ZBP1: variants seen among roughly 807,000 people sequenced by gnomAD.
ZBP1 encodes Z-DNA-binding protein 1.
In ZBP1, 42 loss-of-function variants were observed where a neutral mutation model predicts 41.1. The ratio of observed to expected loss-of-function variants is 1.02; its 90% CI spans 0.80 to 1.32. The LOEUF is 1.32. Among genes scored for constraint, ZBP1 ranks in the 40% most tolerant of loss-of-function variants. The probability of loss-of-function intolerance (pLI) is 0.00; values close to 1 mark genes in which losing one functional copy is unlikely to be tolerated. For missense variants in ZBP1, 562 were observed against 549.7 expected (o/e 1.02, Z -0.22); for synonymous variants, 214 against 205.2 (o/e 1.04, Z -0.37).
At chr20:57,614,648 G>A (rs73301330) in intron 4 of ZBP1, among the ~76,000 whole-genome samples, 75 of 152,298 alleles carry the variant, frequency 4.9e-4, no homozygotes, top group African/African-American at 1.2e-3. Context: ...GGCCACCTCC[G>A]TCCCATTCAC....
chr20:57,615,189 C>T, intron 3 of ZBP1, 129 bp from the exon 4 acceptor site: 3 of 1,050,084 alleles, frequency 2.9e-6, no homozygotes, highest in African/African-American at 1.6e-5. Context: ...AAATGGGTGT[C>T]ATGATAACGG....
In ZBP1 at chr20:57,615,162, T is replaced by G. The variant is rs1053203341; in HGVS notation, c.329-102A>C. On this transcript the variant is annotated intron_variant, in intron 3 of 7. Transcript: ENST00000371173. ...GCCCTGGACCCAGCCCCTCAAGGCC[T>G]GGTTTCCTCATCTGTAAAATGGGTG... 3.1e-6 allele frequency: 4 copies of G among 1,294,504 alleles called. No homozygotes were observed. The African/African-American group carries it at 5.9e-5, about 19-fold the overall frequency. 80.2% of individuals were successfully genotyped at this position (1,294,504 alleles called of 1,614,324 possible). A position where few individuals can be genotyped will look rare whatever the true frequency, so the allele number is the denominator to read the frequency against.
In ZBP1 at chr20:57,607,177, G is replaced by A. The variant is rs371780614; in HGVS notation, c.1094-2408C>T. 1.3e-4 allele frequency: 168 copies of A among 1,304,160 alleles called. No individual in the cohort carries two copies. In the African/African-American group the frequency reaches 1.7e-3, roughly 13 times the overall value. The allele number at this position is 1,304,160 out of a possible 1,614,324, so 80.8% of individuals were successfully genotyped here. On this transcript the variant is annotated intron_variant, in intron 7 of 7. Coordinates refer to ENST00000371173, the MANE Select transcript of ZBP1 (RefSeq NM_030776.3). ...GGAAAAGATCACCAATCTACATGCC[G>A]TTAAGAACATTTGTGATTCATGGGA...
rs1333202936 is a variant in ZBP1, at chr20:57,604,557, C to T, written c.*16G>A. ...CCACCCCCAGCCTGTGTCCAAGCCCCACGTGAGGCTGTGCACTAAATCCCA... is the reference window on the plus strand; with the variant it reads ...CCACCCCCAGCCTGTGTCCAAGCCCTACGTGAGGCTGTGCACTAAATCCCA... On this transcript the variant is annotated 3_prime_UTR_variant, in exon 8 of 8. Transcript: ENST00000371173. The T allele has an allele frequency of 6.2e-7, 1 of 1,610,304 alleles. No individual in the cohort carries two copies. Among genetic ancestry groups the T allele is most frequent in the Non-Finnish European group, 8.5e-7 (1 of 1,177,618 alleles).
Position 57,613,032 on chromosome 20 carries a change from G to A in ZBP1, c.670+131C>T. Reference sequence around the variant, plus strand: ...GACGGCCGTAAAGGTGGACTGTGGGGGTCTGGAAGCAACCCTTTCCCCTTG... The same window carrying A: ...GACGGCCGTAAAGGTGGACTGTGGGAGTCTGGAAGCAACCCTTTCCCCTTG... On this transcript the variant is annotated intron_variant, in intron 5 of 7. Coordinates refer to ENST00000371173, the MANE Select transcript of ZBP1 (RefSeq NM_030776.3). The surrounding 1 kb of genome is among the most constrained non-coding windows in gnomAD (Gnocchi z 4.5). 1.3e-6 allele frequency: 2 copies of A among 1,520,450 alleles called. No homozygotes were observed. Among genetic ancestry groups the A allele is most frequent in the South Asian group, 1.3e-5 (1 of 79,766 alleles). The allele number at this position is 1,520,450 out of a possible 1,614,324, so 94.2% of individuals were successfully genotyped here. A position where few individuals can be genotyped will look rare whatever the true frequency, so the allele number is the denominator to read the frequency against.
chr20:57,611,744 G>A lies in ZBP1; in HGVS notation c.857C>T (p.Pro286Leu). 1 of 1,611,028 alleles carries A rather than the reference G, an allele frequency of 6.2e-7. No homozygotes were observed. Among genetic ancestry groups the A allele is most frequent in the Non-Finnish European group, 8.5e-7 (1 of 1,179,212 alleles). The change falls in exon 6 of 8, where the codon CCC becomes CTC. Residue 286 changes from proline (P) to leucine (L), a missense_variant. Coordinates refer to ENST00000371173, the MANE Select transcript of ZBP1 (RefSeq NM_030776.3). The stretch of plus-strand genomic sequence containing the variant: ...CCAGTTACCTGGGGGGCTGCCAGGG[G>A]GGATGTGGGCAGGGCCCTCGGACGG... ...GVPSEGPAHI[P>L]PGSPPVSATA...
chr20:57,607,266 C>G (rs62204269), intron 7 of ZBP1: 13,174 of 1,303,208 alleles, frequency 0.01, 95 homozygotes, highest in Non-Finnish European at 0.012. Flanking sequence ...TCATGAATGA[C>G]TTTGAGGGGT....
intron 7 of ZBP1, among the ~76,000 whole-genome samples, chr20:57,608,270 C>T (rs554964689): frequency 6.2e-4 from 94 of 152,226 alleles, no homozygotes; most frequent in African/African-American, 2.1e-3. Flanking sequence ...TACATGTGCC[C>T]GCCACCATGC....
chr20:57,615,909 G>C (rs940720046), intron 2 of ZBP1: 3 of 529,438 alleles, frequency 5.7e-6, no homozygotes, highest in Admixed American at 7.3e-5. Context: ...GAAAAGGGGG[G>C]CTGGTGGGAC....
At chr20:57,611,052 C>A (rs2070653354) in intron 6 of ZBP1, among the ~76,000 whole-genome samples, 1 of 152,160 alleles carries the variant, frequency 6.6e-6, no homozygotes, top group Non-Finnish European at 1.5e-5. Flanking sequence ...CTGCCTGGGG[C>A]CCTCTGGTCA....
intron 1 of ZBP1, chr20:57,617,551 GTGAA>G (rs902479246): frequency 3.9e-5 from 6 of 152,400 alleles, no homozygotes; most frequent in Non-Finnish European, 5.9e-5. Flanking sequence ...GAGTGACTGA[GTGAA>G]TGAATGAATG....
rs77921447 is a variant in ZBP1, at chr20:57,610,175, C to A, written c.1067G>T (p.Gly356Val). The A allele has an allele frequency of 1.9e-6, 3 of 1,614,088 alleles. No individual in the cohort carries two copies. In the East Asian group the frequency reaches 6.7e-5, roughly 36 times the overall value. Residue 356 changes from glycine (G) to valine (V), a missense_variant, in exon 7 of 8, where the codon GGA (glycine) becomes GTA (valine). By Grantham distance (109) the Gly-to-Val change is moderately radical (BLOSUM62 -3). Transcript: ENST00000371173. This position sits in a 1 kb window ranked among gnomAD's most constrained non-coding sequence, Gnocchi z 5.5. ...TGCGTCCTCCCCTGGCTCCCCCTCT[C>A]CAGACCCTGCGACTCCTCCTGGGCC... ...VAGPGGVAGS[G>V]EGEPGEDAGR... is the part of the protein sequence containing the mutation.
chr20:57,612,978 A>G (rs2070713527), intron 5 of ZBP1, 185 bp downstream of exon 5: 2 of 1,438,496 alleles, frequency 1.4e-6, no homozygotes, highest in East Asian at 5.0e-5. Flanking sequence ...AAATCAGGAG[A>G]GCTTTGATCC....
rs148722093 is a variant in ZBP1, at chr20:57,610,351, G to A, written c.891C>T (p.Ala297=). 108 of 1,614,168 alleles carry A rather than the reference G, an allele frequency of 6.7e-5. No homozygotes were observed. Among genetic ancestry groups the A allele is most frequent in the East Asian group, 2.0e-4 (9 of 44,882 alleles). ...PGSPPVSATA[A]GPEASFEARI... ...TTGCTTCAAACGAAGCTTCTGGGCC[G>A]GCAGCAGTGGCAGAGACTGTGGGTC... The change falls in exon 7 of 8, where the codon GCC becomes GCT. Residue 297 remains alanine, a synonymous_variant. Transcript: ENST00000371173. This position sits in a 1 kb window ranked among gnomAD's most constrained non-coding sequence, Gnocchi z 5.5.
chr20:57,619,118 G>A (rs1358436338), intron 1 of ZBP1, among the ~76,000 whole-genome samples: 1 of 152,232 alleles, frequency 6.6e-6, no homozygotes, highest in Non-Finnish European at 1.5e-5. Context: ...AAAAGCCAGC[G>A]AGGGCTGAGT....
At chr20:57,618,397 G>A (rs1280792573) in intron 1 of ZBP1, among the ~76,000 whole-genome samples, 3 of 152,170 alleles carry the variant, frequency 2.0e-5, no homozygotes, top group Non-Finnish European at 4.4e-5. Flanking sequence ...TGTAGGGGAG[G>A]GAAGAATCAG....
At position 57,614,885 on chromosome 20, in the gene ZBP1, A is replaced by C. The variant is rs2070774914; in HGVS notation, c.502+2T>G. 2 of 1,614,148 alleles carry C rather than the reference A, an allele frequency of 1.2e-6. No individual in the cohort carries two copies. Among genetic ancestry groups the C allele is most frequent in the Non-Finnish European group, 1.7e-6 (2 of 1,179,998 alleles). ...CCCAGACACAGGCAGCCGGGGGCCTACCTGGGCGGTAAATCGTCCATGCTT... is the reference window on the plus strand; with the variant it reads ...CCCAGACACAGGCAGCCGGGGGCCTCCCTGGGCGGTAAATCGTCCATGCTT... On this transcript the variant is annotated splice_donor_variant, in intron 4 of 7. Transcript: ENST00000371173. LOFTEE classifies it high-confidence loss of function.
At position 57,604,313 on chromosome 20, in the gene ZBP1, C is replaced by A; in HGVS notation, c.*260G>T. 1 of 630,384 alleles carries A rather than the reference C, an allele frequency of 1.6e-6. No individual in the cohort carries two copies. 39.0% of individuals were successfully genotyped at this position (630,384 alleles called of 1,614,324 possible). The stretch of plus-strand genomic sequence containing the variant: ...GTCCCCTGGGCCTGGGGGACCGAGC[C>A]CCACTCCCATCTACCCACCTCCTCT... On this transcript the variant is annotated 3_prime_UTR_variant, in exon 8 of 8. Transcript: ENST00000371173.
chr20:57,610,450 T>C lies in ZBP1; in HGVS notation c.875-83A>G, dbSNP rs540232189. 1,684 of 1,469,108 alleles carry C rather than the reference T, an allele frequency of 1.1e-3. 2 individuals carry two copies. Among genetic ancestry groups the C allele is most frequent in the Non-Finnish European group, 1.4e-3 (1,474 of 1,060,126 alleles). 91.0% of individuals were successfully genotyped at this position (1,469,108 alleles called of 1,614,324 possible). On this transcript the variant is annotated intron_variant, in intron 6 of 7. Transcript: ENST00000371173. This position sits in a 1 kb window ranked among gnomAD's most constrained non-coding sequence, Gnocchi z 5.5. ...CCCTGACCCCCAGCCTGGTTCACCC[T>C]CCTCCCCAGATCTCCCACCAGTGGC... is the stretch of plus-strand genomic sequence containing the variant.
Sources: gnomAD v4.1 joint callset for allele counts (sites outside exome capture counted in the v4.1 genomes callset) on GRCh38, gnomAD v4.1.1 for gene constraint, Gnocchi (gnomAD v3.1) non-coding constraint, MANE v1.5 for transcripts, NCBI Gene and HGNC (gene_info 2026-07-23, HGNC 2026-07-21) for gene names.